Variants in PKD2L1 observed in about 807,000 individuals in gnomAD.
The protein encoded by PKD2L1 is polycystin-2-like protein 1.
PKD2L1 carries 77 observed loss-of-function variants against 93.0 expected under a neutral mutation model. The ratio of observed to expected loss-of-function variants is 0.83; its 90% confidence interval spans 0.69 to 1.00. The LOEUF (loss-of-function observed/expected upper bound fraction) is 1.00, where lower values mean the gene tolerates loss of function less well. Ranked by LOEUF, PKD2L1 falls within the 50% of genes least tolerant of loss-of-function variation. PKD2L1 has a pLI of 0.00. For synonymous variants in PKD2L1, 390 were observed against 388.0 expected (o/e 1.01, Z -0.06); for missense variants, 977 against 990.9 (o/e 0.99, Z 0.19).
Position 100,297,212 on chromosome 10 carries a change from T to G in PKD2L1, c.957-4A>C. 2 of 1,612,754 alleles carry G rather than the reference T, an allele frequency of 1.2e-6. No individual in the cohort carries two copies. The highest frequency in any genetic ancestry group is 8.5e-7 in the Non-Finnish European group (1 of 1,179,146). ...AGCTGGAAACTCCACCACCAGCCTATAGGGGGAGGGGGAGATGACCTCCAG... is the reference window on the plus strand; with the variant it reads ...AGCTGGAAACTCCACCACCAGCCTAGAGGGGGAGGGGGAGATGACCTCCAG... On this transcript the variant is annotated splice_region_variant and splice_polypyrimidine_tract_variant and intron_variant, in intron 5 of 15. Transcript: ENST00000318222.
chr10:100,299,479 T>C, intron 3 of PKD2L1, 112 bp downstream of exon 3: 3 of 1,012,462 alleles, frequency 3.0e-6, no homozygotes, highest in Non-Finnish European at 4.5e-6. Context: ...TTTGACTCAG[T>C]CTGATCCCTG....
At chr10:100,297,296 G>GGTGA in intron 5 of PKD2L1, 86 bp downstream of exon 5, 1 of 1,543,172 alleles carries the variant, frequency 6.5e-7, no homozygotes, top group Non-Finnish European at 8.9e-7. Context: ...CCACCACAGG[G>GGTGA]TAGGAGTTTA....
chr10:100,295,269 A>C (rs1848502975), intron 7 of PKD2L1, 146 bp from the exon 8 acceptor site: 3 of 658,278 alleles, frequency 4.6e-6, no homozygotes, highest in Non-Finnish European at 8.1e-6. Context: ...GAATGATACA[A>C]AAATTAGCTG....
At chr10:100,318,522 T>C (rs1326992958) in intron 2 of PKD2L1, among the ~76,000 whole-genome samples, 2 of 96,146 alleles carry the variant, frequency 2.1e-5, no homozygotes, top group Non-Finnish European at 4.2e-5. Flanking sequence ...TTTTCTTTTC[T>C]TTTTTTTTTT....
chr10:100,323,332 G>A (rs1849304356), intron 2 of PKD2L1, among the ~76,000 whole-genome samples: 1 of 152,120 alleles, frequency 6.6e-6, no homozygotes, highest in African/African-American at 2.4e-5. Flanking sequence ...ACAGTGGCAC[G>A]ATCTCGGCTC....
intron 2 of PKD2L1, 73 bp downstream of exon 2, chr10:100,329,138 G>T: frequency 1.4e-6 from 2 of 1,447,008 alleles, no homozygotes; most frequent in South Asian, 1.2e-5. Flanking sequence ...TTGCCCACAG[G>T]AATGTTTATA....
At chr10:100,313,155 T>G (rs1848971397) in intron 2 of PKD2L1, among the ~76,000 whole-genome samples, 1 of 152,180 alleles carries the variant, frequency 6.6e-6, no homozygotes, top group South Asian at 2.1e-4. Flanking sequence ...CTTTGAGCTA[T>G]TTTGCTCAAG....
Position 100,289,001 on chromosome 10 carries a change from G to C in PKD2L1, c.2306C>G (p.Pro769Arg). 3 of 1,611,540 alleles carry C rather than the reference G, an allele frequency of 1.9e-6. No homozygotes were observed. The highest frequency in any genetic ancestry group is 2.5e-6 in the Non-Finnish European group (3 of 1,178,378). The change falls in exon 15 of 16, where the codon CCC becomes CGC. Residue 769 changes from proline to arginine, a missense_variant. By Grantham distance (103) the Pro-to-Arg change is moderately radical. Coordinates refer to ENST00000318222, the MANE Select transcript of PKD2L1 (RefSeq NM_016112.3). ...CTCCTGCCCACCCTGGACTCCCCAGGGGTCTGGGGTCACAGCTGGGGCTGG... is the reference window on the plus strand; with the variant it reads ...CTCCTGCCCACCCTGGACTCCCCAGCGGTCTGGGGTCACAGCTGGGGCTGG... ...PQPAPAVTPD[P>R]WGVQGGQESE... is the part of the protein sequence containing the mutation.
intron 9 of PKD2L1, among the ~76,000 whole-genome samples, 154 bp downstream of exon 9, chr10:100,294,381 A>G (rs977915306): frequency 2.0e-5 from 3 of 152,064 alleles, no homozygotes; most frequent in Non-Finnish European, 4.4e-5. Flanking sequence ...GCTGTACTAC[A>G]TTAACCATCT....
At chr10:100,315,763 C>T (rs931292770) in intron 2 of PKD2L1, among the ~76,000 whole-genome samples, 16 of 152,102 alleles carry the variant, frequency 1.1e-4, no homozygotes, top group African/African-American at 3.9e-4. Context: ...CTGACTATGG[C>T]AAAACTCTTG....
chr10:100,296,008 G>T, intron 7 of PKD2L1, 114 bp downstream of exon 7: 1 of 921,104 alleles, frequency 1.1e-6, no homozygotes, highest in Non-Finnish European at 1.6e-6. Flanking sequence ...CTTCACTCCA[G>T]CCTGGGCAAG....
At chr10:100,315,635 A>G (rs1849085080) in intron 2 of PKD2L1, among the ~76,000 whole-genome samples, 1 of 152,232 alleles carries the variant, frequency 6.6e-6, no homozygotes. Context: ...GTAAAAATTT[A>G]ATAAATATAT....
chr10:100,313,312 C>T (rs775415093), intron 2 of PKD2L1, among the ~76,000 whole-genome samples: 5 of 152,100 alleles, frequency 3.3e-5, no homozygotes, highest in Non-Finnish European at 7.3e-5. Flanking sequence ...AGAAGAGTAG[C>T]CCTTGTTAAA....
At chr10:100,289,698 C>T (rs1255657721) in intron 14 of PKD2L1, among the ~76,000 whole-genome samples, 1 of 152,192 alleles carries the variant, frequency 6.6e-6, no homozygotes, top group East Asian at 1.9e-4. Flanking sequence ...TCTTAGACTT[C>T]CCAGCCTCCC....
rs1050881951 is a variant in PKD2L1 at position 100,290,003 on chromosome 10, A to G, written c.2250+12T>C. On this transcript the variant is annotated intron_variant, in intron 14 of 15. Transcript: ENST00000318222. ...GTGAGGAACTAGGAGGACCAGGTGA[A>G]GGGCCACTCACCACGCCTGGGGAGG... 13 of 1,613,912 alleles carry G rather than the reference A, an allele frequency of 8.1e-6. No individual in the cohort carries two copies. In the East Asian group the frequency reaches 1.1e-4, roughly 14 times the overall value.
intron 4 of PKD2L1, 125 bp from the exon 5 acceptor site, chr10:100,297,731 T>TGTGTGTGTGTGC: frequency 4.8e-6 from 3 of 620,090 alleles, no homozygotes; most frequent in Admixed American, 2.8e-5. Flanking sequence ...TGTGTGTGTG[T>TGTGTGTGTGTGC]GTGTGTGTGT....
chr10:100,315,676 G>T (rs565572322), intron 2 of PKD2L1, among the ~76,000 whole-genome samples: 1 of 152,138 alleles, frequency 6.6e-6, no homozygotes, highest in Admixed American at 6.5e-5. Flanking sequence ...TAGGGGAAAG[G>T]GGGTAGAATT....
Position 100,314,996 on chromosome 10 carries a change from AAGGAAGGAAGGAAGG to A in PKD2L1, c.349+14200_349+14214del, listed in dbSNP as rs1336024341. The stretch of plus-strand genomic sequence containing the variant: ...GAAGGAAGGAAGGAAGGAAGGAAGG[AAGGAAGGAAGGAAGG>A]AAGGGAAGGGAAGGGAAGGGAAGGG... On this transcript the variant is annotated intron_variant, in intron 2 of 15. Transcript: ENST00000318222. Among the ~76,000 whole-genome samples the A allele has an allele frequency of 4.9e-3, 64 of 13,030 alleles. 1 individual carries two copies. Among genetic ancestry groups the A allele is most frequent in the Admixed American group, 9.3e-3 (8 of 864 alleles). The allele number at this position is 13,030 out of a possible 152,430, so 8.5% of individuals were successfully genotyped here.
At chr10:100,314,634 G>A (rs145786493) in intron 2 of PKD2L1, among the ~76,000 whole-genome samples, 1 of 152,242 alleles carries the variant, frequency 6.6e-6, no homozygotes, top group Admixed American at 6.5e-5. Context: ...ATCAGCGGAC[G>A]TTCCACCTCA....
Sources: gnomAD v4.1 joint callset for allele counts (sites outside exome capture counted in the v4.1 genomes callset) on GRCh38, gnomAD v4.1.1 for gene constraint, MANE v1.5 for transcripts, NCBI Gene and HGNC (gene_info 2026-07-23, HGNC 2026-07-21) for gene names.